The following KIAA1217 variants were observed in gnomAD, a reference collection of about 807,000 sequenced individuals.
KIAA1217 encodes sickle tail protein homolog.
KIAA1217 carries 88 observed loss-of-function variants against 163.9 expected under a neutral mutation model. The ratio of observed to expected loss-of-function variants is 0.54; its 90% confidence interval spans 0.45 to 0.64. KIAA1217 has a LOEUF of 0.64. KIAA1217 is among the 30% of genes least tolerant of loss of function. The pLI, the probability that KIAA1217 is intolerant of heterozygous loss-of-function variation, is 0.00. For missense variants in KIAA1217, 2,372 were observed against 2,475.0 expected (o/e 0.96, Z 0.88); for synonymous variants, 903 against 923.1 (o/e 0.98, Z 0.39).
chr10:23,948,489 A>G (rs1226526141), intron 1 of KIAA1217, among the ~76,000 whole-genome samples: 5 of 152,128 alleles, frequency 3.3e-5, no homozygotes. Context: ...ATGATGCTAG[A>G]TTTAGTGAGG....
chr10:24,514,407 C>T (rs1197380725), intron 10 of KIAA1217, among the ~76,000 whole-genome samples: 2 of 152,200 alleles, frequency 1.3e-5, no homozygotes, highest in South Asian at 2.1e-4. Context: ...TGGCTCGTGT[C>T]GCCCTGGATG....
intron 1 of KIAA1217, among the ~76,000 whole-genome samples, chr10:23,823,975 G>T (rs1837748119): frequency 6.6e-6 from 1 of 151,966 alleles, no homozygotes; most frequent in South Asian, 2.1e-4. Flanking sequence ...GAGGGTTGAT[G>T]AAAGAGGAGG....
chr10:24,334,600 T>TA (rs2133648885), intron 2 of KIAA1217, among the ~76,000 whole-genome samples: 1 of 152,300 alleles, frequency 6.6e-6, no homozygotes, highest in African/African-American at 2.4e-5. Flanking sequence ...CTAAGTGCCT[T>TA]ACAGTAGTGT....
chr10:24,374,637 T>C (rs966819515), intron 2 of KIAA1217, among the ~76,000 whole-genome samples: 1 of 152,198 alleles, frequency 6.6e-6, no homozygotes, highest in Non-Finnish European at 1.5e-5. Context: ...TGTCTCAGTC[T>C]ATTACCCAGA....
At chr10:24,482,166 A>G (rs1028468870) in intron 6 of KIAA1217, 3 of 152,224 alleles carry the variant, frequency 2.0e-5, no homozygotes, top group Non-Finnish European at 4.4e-5. Context: ...AGAAATGCCA[A>G]TGGAATAGCA....
chr10:24,384,610 C>T (rs968416829), intron 3 of KIAA1217, among the ~76,000 whole-genome samples: 17 of 152,230 alleles, frequency 1.1e-4, no homozygotes, highest in Non-Finnish European at 1.6e-4. Flanking sequence ...GATCTCGGCT[C>T]ACCGCAATCT....
intron 2 of KIAA1217, among the ~76,000 whole-genome samples, chr10:24,244,758 T>A (rs957629528): frequency 4.6e-5 from 7 of 151,908 alleles, no homozygotes; most frequent in African/African-American, 1.4e-4. Context: ...AGAGACAGGG[T>A]TTTGCCGTGT....
Position 24,546,098 on chromosome 10 carries a change from A to G in KIAA1217, c.5606A>G (p.His1869Arg), listed in dbSNP as rs779875507. 1 of 1,614,140 alleles carries G rather than the reference A, an allele frequency of 6.2e-7. No individual in the cohort carries two copies. Among genetic ancestry groups the G allele is most frequent in the Non-Finnish European group, 8.5e-7 (1 of 1,180,014 alleles). The change falls in exon 21 of 21, where the codon CAT becomes CGT. Residue 1869 changes from histidine to arginine, a missense_variant. His to Arg is a conservative substitution (Grantham distance 29). Around this residue, in one of 3 missense-constraint regions of KIAA1217, gnomAD observed 690 missense variants for 677.5 expected, o/e 1.02. Coordinates refer to ENST00000376454, the MANE Select transcript of KIAA1217 (RefSeq NM_019590.5). The stretch of plus-strand genomic sequence containing the variant: ...TCTTTGAAGTTTCAGAGCCTCACTC[A>G]TACAGGTAAAGGTCACCATCTTTCA... ...NGSLKFQSLT[H>R]TGKGHHLSFS...
chr10:24,127,302 G>A (rs949138562), intron 2 of KIAA1217, among the ~76,000 whole-genome samples: 1 of 151,808 alleles, frequency 6.6e-6, no homozygotes, highest in Non-Finnish European at 1.5e-5. Context: ...GGTGTGTTGA[G>A]AAAAGATAGG....
intron 2 of KIAA1217, among the ~76,000 whole-genome samples, chr10:24,255,764 T>C (rs2075088510): frequency 6.6e-6 from 1 of 152,124 alleles, no homozygotes; most frequent in Admixed American, 6.5e-5. Context: ...CTGGTTTCTT[T>C]CAAGTGAAAT....
chr10:24,034,314 T>C (rs1848303895), intron 2 of KIAA1217, among the ~76,000 whole-genome samples: 1 of 152,076 alleles, frequency 6.6e-6, no homozygotes, highest in East Asian at 1.9e-4. Context: ...ATCCCAGCAC[T>C]TTGGGAGCCC....
At chr10:23,932,266 T>A (rs1278210471) in intron 1 of KIAA1217, among the ~76,000 whole-genome samples, 2 of 152,228 alleles carry the variant, frequency 1.3e-5, no homozygotes, top group Non-Finnish European at 2.9e-5. Context: ...AAGTCAGGAC[T>A]GTCGCCTGCA....
intron 2 of KIAA1217, among the ~76,000 whole-genome samples, chr10:24,224,062 T>G (rs556382923): frequency 6.6e-6 from 1 of 152,200 alleles, no homozygotes; most frequent in Non-Finnish European, 1.5e-5. Context: ...CTAAAATTAT[T>G]GAAAGGCTAA....
chr10:24,039,919 G>A (rs1031390569), intron 2 of KIAA1217, among the ~76,000 whole-genome samples: 3 of 152,184 alleles, frequency 2.0e-5, no homozygotes, highest in East Asian at 1.9e-4. Context: ...GTGGCCTATA[G>A]CATAATCCCC....
At chr10:24,376,842 TC>T (rs2052569881) in intron 2 of KIAA1217, among the ~76,000 whole-genome samples, 2 of 152,186 alleles carry the variant, frequency 1.3e-5, no homozygotes, top group African/African-American at 4.8e-5. Context: ...TGATCTTTGC[TC>T]CTTTCATTTG....
chr10:24,530,048 C>T (rs1259346462), intron 14 of KIAA1217, among the ~76,000 whole-genome samples: 3 of 152,032 alleles, frequency 2.0e-5, no homozygotes, highest in Non-Finnish European at 4.4e-5. Flanking sequence ...CCACCTGCCT[C>T]GGTCTCCCAT....
In KIAA1217 at chr10:24,289,521, TGGA is replaced by T. The variant is rs145225149; in HGVS notation, c.354+69631_354+69633del. On this transcript the variant is annotated intron_variant, in intron 2 of 20. Transcript: ENST00000376454. ...CGCAGTTGGGGCTGAATTGTCCTCATGGAGGAGGAGGAGGAGGAGGAAGTTGTA... is the reference window on the plus strand; with the variant it reads ...CGCAGTTGGGGCTGAATTGTCCTCATGGAGGAGGAGGAGGAGGAAGTTGTA... Among the ~76,000 whole-genome samples the T allele has an allele frequency of 9.8e-3, 1,483 of 151,856 alleles. 31 individuals carry two copies. The highest frequency in any genetic ancestry group is 0.083 in the East Asian group (429 of 5,152).
chr10:24,438,223 A>G (rs1314833457), intron 4 of KIAA1217, among the ~76,000 whole-genome samples, 163 bp from the exon 5 acceptor site: 3 of 152,178 alleles, frequency 2.0e-5, no homozygotes, highest in African/African-American at 7.2e-5. Context: ...TTCCGTATTT[A>G]TAATTGCCTA....
chr10:23,880,162 G>C (rs557022853), intron 1 of KIAA1217, among the ~76,000 whole-genome samples: 2 of 151,988 alleles, frequency 1.3e-5, no homozygotes, highest in East Asian at 3.9e-4. Flanking sequence ...GTTTATTGCA[G>C]CACTATTCAC....
Sources: gnomAD v4.1 joint callset for allele counts (sites outside exome capture counted in the v4.1 genomes callset) on GRCh38, gnomAD v4.1.1 for gene constraint, gnomAD v4.1.1 regional missense constraint, MANE v1.5 for transcripts, NCBI Gene and HGNC (gene_info 2026-07-23, HGNC 2026-07-21) for gene names.